KMT2E: variants seen among roughly 807,000 people sequenced by gnomAD.
The protein encoded by KMT2E is lysine methyltransferase 2E (inactive).
A neutral mutation model predicts 184.6 loss-of-function variants in KMT2E; 30 were observed. The ratio of observed to expected loss-of-function variants is 0.16; its 90% confidence interval spans 0.12 to 0.22. The LOEUF is 0.22. Among genes scored for constraint, KMT2E ranks in the 10% least tolerant of loss-of-function variants. The probability of loss-of-function intolerance (pLI) is 1.00; values close to 1 mark genes in which losing one functional copy is unlikely to be tolerated. For missense variants in KMT2E, 2,023 were observed against 2,237.4 expected, an observed-to-expected ratio of 0.90 and a Z score of 1.93; for synonymous variants, 815 against 776.5, an observed-to-expected ratio of 1.05 and a Z score of -0.82.
At chr7:105,099,263 G>A (rs1440846827) in intron 15 of KMT2E, among the ~76,000 whole-genome samples, 1 of 152,190 alleles carries the variant, frequency 6.6e-6, no homozygotes, top group Non-Finnish European at 1.5e-5. Context: ...TTTGCTTTAT[G>A]TAGCGGCAGT....
intron 2 of KMT2E, among the ~76,000 whole-genome samples, chr7:105,038,808 A>C (rs2129565193): frequency 6.6e-6 from 1 of 151,378 alleles, no homozygotes; most frequent in Admixed American, 6.5e-5. Context: ...AAGCGATGCG[A>C]ATTTTCTCAT....
chr7:105,025,285 A>G (rs1418386550), intron 1 of KMT2E, among the ~76,000 whole-genome samples: 3 of 152,068 alleles, frequency 2.0e-5, no homozygotes, highest in African/African-American at 7.2e-5. Context: ...TGGTCTGCAA[A>G]ATGGAGATAA....
At position 105,107,668 on chromosome 7, in the gene KMT2E, C is replaced by T. The variant is rs1173012988; in HGVS notation, c.3211C>T (p.Pro1071Ser). Residue 1071 changes from proline (P) to serine (S), a missense_variant, in exon 22 of 27, where the codon CCT (proline) becomes TCT (serine). Physicochemically the swap from Pro to Ser is moderately conservative, Grantham distance 74. Transcript: ENST00000311117. ...AATGTATTCTTCCTGGGTAAAGAGCCCTGACAGAACAGGAGTTAACTTCTC... is the reference window on the plus strand; with the variant it reads ...AATGTATTCTTCCTGGGTAAAGAGCTCTGACAGAACAGGAGTTAACTTCTC... ...GTMYSSWVKSPDRTGVNFSVN... is the reference protein window; with the variant it reads ...GTMYSSWVKSSDRTGVNFSVN... The T allele has an allele frequency of 6.2e-7, 1 of 1,614,104 alleles. No homozygotes were observed. Among genetic ancestry groups the T allele is most frequent in the Non-Finnish European group, 8.5e-7 (1 of 1,180,020 alleles).
intron 1 of KMT2E, among the ~76,000 whole-genome samples, chr7:105,031,874 A>G (rs1196916670): frequency 2.0e-5 from 3 of 151,702 alleles, no homozygotes; most frequent in African/African-American, 7.3e-5. Context: ...GCTTGAGACC[A>G]GTGTGGCCAA....
intron 14 of KMT2E, among the ~76,000 whole-genome samples, chr7:105,090,511 TA>T (rs1798157935): frequency 6.6e-6 from 1 of 152,178 alleles, no homozygotes; most frequent in Non-Finnish European, 1.5e-5. Context: ...AAGATTTTCC[TA>T]AGACTAGATA....
At chr7:105,065,430 C>T (rs907274803) in intron 5 of KMT2E, among the ~76,000 whole-genome samples, 2 of 152,134 alleles carry the variant, frequency 1.3e-5, no homozygotes, top group Non-Finnish European at 2.9e-5. Flanking sequence ...CCAACATTCT[C>T]AGTTGAAAAG....
Position 105,113,502 on chromosome 7 carries a change from A to C in KMT2E, c.*169A>C. On this transcript the variant is annotated 3_prime_UTR_variant, in exon 27 of 27. Coordinates refer to ENST00000311117, the MANE Select transcript of KMT2E (RefSeq NM_182931.3). ...TTGCTTTTTAAAATTCCTTTAAAAA[A>C]TGTGCTGTTAAGCCAGTATTAGGTA... The C allele has an allele frequency of 2.7e-6, 2 of 739,058 alleles. No homozygotes were observed. Among genetic ancestry groups the C allele is most frequent in the South Asian group, 4.6e-5 (2 of 43,324 alleles). The allele number at this position is 739,058 out of a possible 1,614,324, so 45.8% of individuals were successfully genotyped here.
At chr7:105,091,617 C>T in intron 15 of KMT2E, 1 of 470,828 alleles carries the variant, frequency 2.1e-6, no homozygotes, top group Non-Finnish European at 3.7e-6. Flanking sequence ...AATTACTGTT[C>T]AGAATGTCTT....
intron 12 of KMT2E, among the ~76,000 whole-genome samples, chr7:105,081,315 C>T (rs368164326): frequency 6.6e-6 from 1 of 151,192 alleles, no homozygotes; most frequent in East Asian, 2.0e-4. Context: ...ACCTGGGAGG[C>T]GGAGCTTGCA....
At chr7:105,070,734 G>A (rs1179472743) in intron 6 of KMT2E, among the ~76,000 whole-genome samples, 1 of 151,362 alleles carries the variant, frequency 6.6e-6, no homozygotes. Context: ...GATTGCTTGA[G>A]CCCGGGAGGT....
chr7:105,080,971 C>G (rs1449126605), intron 12 of KMT2E, among the ~76,000 whole-genome samples: 2 of 152,040 alleles, frequency 1.3e-5, no homozygotes, highest in Admixed American at 1.3e-4. Context: ...TCATTGCACT[C>G]CAGCCTGGAT....
At chr7:105,016,795 A>G (rs1584678603) in intron 1 of KMT2E, among the ~76,000 whole-genome samples, 1 of 152,206 alleles carries the variant, frequency 6.6e-6, no homozygotes, top group Non-Finnish European at 1.5e-5. Context: ...TCCATTGTAA[A>G]TATTTTAGAG....
At chr7:105,020,558 C>T (rs1584684506) in intron 1 of KMT2E, among the ~76,000 whole-genome samples, 1 of 152,148 alleles carries the variant, frequency 6.6e-6, no homozygotes, top group African/African-American at 2.4e-5. Flanking sequence ...GCACTTCAGC[C>T]TGGGCAACGA....
intron 1 of KMT2E, among the ~76,000 whole-genome samples, chr7:105,018,892 G>T (rs1794828360): frequency 6.6e-6 from 1 of 152,086 alleles, no homozygotes; most frequent in South Asian, 2.1e-4. Flanking sequence ...ACTGGAAGTG[G>T]ATGGTATTTA....
intron 1 of KMT2E, among the ~76,000 whole-genome samples, chr7:105,017,075 T>A (rs1490139984): frequency 1.3e-5 from 2 of 152,252 alleles, no homozygotes; most frequent in Non-Finnish European, 2.9e-5. Flanking sequence ...GATCATTCAC[T>A]GCTGTGTAAA....
At chr7:105,067,134 A>ACATACGC (rs1171036709) in intron 6 of KMT2E, among the ~76,000 whole-genome samples, 1 of 151,436 alleles carries the variant, frequency 6.6e-6, no homozygotes, top group Non-Finnish European at 1.5e-5. Flanking sequence ...ATCGATTCTA[A>ACATACGC]CATACGCTTT....
intron 15 of KMT2E, among the ~76,000 whole-genome samples, chr7:105,097,379 G>C (rs886346553): frequency 1.3e-5 from 2 of 151,960 alleles, no homozygotes; most frequent in African/African-American, 4.8e-5. Context: ...AAGGGAACCT[G>C]TTTATTATTT....
intron 3 of KMT2E, among the ~76,000 whole-genome samples, chr7:105,047,397 G>A (rs897253010): frequency 5.3e-5 from 8 of 152,158 alleles, no homozygotes; most frequent in African/African-American, 1.9e-4. Flanking sequence ...CTTGTAAGGC[G>A]GCCTTTCTAC....
intron 17 of KMT2E, chr7:105,104,290 G>C (rs978883057): frequency 2.0e-5 from 3 of 152,128 alleles, no homozygotes; most frequent in Admixed American, 1.3e-4. Context: ...GTAGATCAGA[G>C]AATCAGCAGA....
Sources: allele counts gnomAD v4.1 joint callset (sites outside exome capture counted in the v4.1 genomes callset), GRCh38; gene constraint gnomAD v4.1.1; transcripts MANE v1.5; gene names NCBI Gene and HGNC (gene_info 2026-07-23, HGNC 2026-07-21).